Variants in SUMF1 observed in about 807,000 individuals in gnomAD.
SUMF1 encodes sulfatase modifying factor 1.
In SUMF1, 48 loss-of-function variants were observed where a neutral mutation model predicts 47.6. The observed-to-expected ratio is 1.01, with a 90% CI of 0.80 to 1.28. The LOEUF is 1.28. SUMF1 is among the 50% of genes most tolerant of loss of function. The pLI, the probability that SUMF1 is intolerant of heterozygous loss-of-function variation, is 0.00. For missense variants in SUMF1, 571 were observed against 485.4 expected, an observed-to-expected ratio of 1.18 and a Z score of -1.66; for synonymous variants, 230 against 192.1, an observed-to-expected ratio of 1.20 and a Z score of -1.63.
At chr3:4,263,002 T>G (rs1174546839) in intron 8 of SUMF1, among the ~76,000 whole-genome samples, 1 of 152,198 alleles carries the variant, frequency 6.6e-6, no homozygotes, top group African/African-American at 2.4e-5. Context: ...CATGTGTGTT[T>G]TCTCCTCTGT....
chr3:4,150,411 A>C (rs1008206062), intron 8 of SUMF1, among the ~76,000 whole-genome samples: 5 of 151,460 alleles, frequency 3.3e-5, no homozygotes, highest in African/African-American at 9.8e-5. Context: ...AAACACAAAA[A>C]ATTAGCCAGG....
intron 8 of SUMF1, among the ~76,000 whole-genome samples, chr3:4,173,586 T>A (rs1694881390): frequency 6.6e-6 from 1 of 152,190 alleles, no homozygotes; most frequent in African/African-American, 2.4e-5. Context: ...ATACGTATGT[T>A]TATTGAAGCA....
At position 4,437,142 on chromosome 3, in the gene SUMF1, G is replaced by C. The variant is rs542617013; in HGVS notation, c.519+12124C>G. Among the ~76,000 whole-genome samples, 5 of 152,236 alleles carry C rather than the reference G, an allele frequency of 3.3e-5. No homozygotes were observed. In the South Asian group the frequency reaches 8.3e-4, roughly 25 times the overall value. ...GACGCAGAAAGGAATGGAGAGTACA[G>C]ATATTAGTAATTATAGGAGTAAAGA... On this transcript the variant is annotated intron_variant, in intron 3 of 8. Coordinates refer to ENST00000272902, the MANE Select transcript of SUMF1 (RefSeq NM_182760.4).
chr3:4,211,674 C>G (rs1695798376), intron 8 of SUMF1, among the ~76,000 whole-genome samples: 1 of 152,064 alleles, frequency 6.6e-6, no homozygotes, highest in African/African-American at 2.4e-5. Context: ...CTATAAACTA[C>G]AAGGTATTGG....
At chr3:4,375,926 A>G (rs1362214880) in intron 8 of SUMF1, among the ~76,000 whole-genome samples, 1 of 152,182 alleles carries the variant, frequency 6.6e-6, no homozygotes, top group Non-Finnish European at 1.5e-5. Context: ...GTATATCACA[A>G]TCTGCCCTCC....
chr3:4,389,295 CATG>C (rs370797419), intron 7 of SUMF1, among the ~76,000 whole-genome samples: 1 of 151,290 alleles, frequency 6.6e-6, no homozygotes, highest in East Asian at 1.9e-4. Flanking sequence ...CTCTGGCCTT[CATG>C]GTCACCAATG....
intron 8 of SUMF1, among the ~76,000 whole-genome samples, chr3:4,173,078 T>C (rs888307418): frequency 6.6e-6 from 1 of 152,166 alleles, no homozygotes; most frequent in African/African-American, 2.4e-5. Flanking sequence ...TAGGGCTAGC[T>C]GGTTTTCCCA....
At chr3:4,278,493 C>T (rs370223170) in intron 8 of SUMF1, among the ~76,000 whole-genome samples, 2 of 152,154 alleles carry the variant, frequency 1.3e-5, no homozygotes, top group Middle Eastern at 3.4e-3. Context: ...TTGCTTAATT[C>T]TGAGCAAAAT....
chr3:4,345,137 C>T (rs1034306624), intron 8 of SUMF1, among the ~76,000 whole-genome samples: 1 of 152,126 alleles, frequency 6.6e-6, no homozygotes. Context: ...GAGAACGTCC[C>T]CAACCTAGCA....
intron 7 of SUMF1, among the ~76,000 whole-genome samples, chr3:4,389,335 T>A (rs546684120): frequency 9.0e-6 from 1 of 111,432 alleles, no homozygotes; most frequent in African/African-American, 4.1e-5. Context: ...TCAAATTGTT[T>A]TTTTTTTTTT....
intron 8 of SUMF1, among the ~76,000 whole-genome samples, chr3:4,306,352 G>A (rs1698190558): frequency 6.6e-6 from 1 of 151,968 alleles, no homozygotes; most frequent in African/African-American, 2.4e-5. Context: ...AAAATCATGA[G>A]GTTTTCTATT....
At chr3:4,099,299 G>C (rs150552210) in intron 8 of SUMF1, among the ~76,000 whole-genome samples, 1 of 152,198 alleles carries the variant, frequency 6.6e-6, no homozygotes, top group East Asian at 1.9e-4. Flanking sequence ...GGCAAGTTTG[G>C]TTCAACATAC....
At position 4,037,233 on chromosome 3, in the gene SUMF1, T is replaced by C. The variant is rs73806835; in HGVS notation, c.1191+31336A>G. On this transcript the variant is annotated intron_variant and NMD_transcript_variant, in intron 9 of 12. Coordinates refer to the SUMF1 transcript ENST00000448413. ...AATGAAGAAAGTAACATAGCAAAGA[T>C]AAAATTGAAACTAAGTTTCTAAATA... Among the ~76,000 whole-genome samples, 747 of 152,254 alleles carry C rather than the reference T, an allele frequency of 4.9e-3. 5 individuals are homozygous for C. Among genetic ancestry groups the C allele is most frequent in the African/African-American group, 0.017 (717 of 41,546 alleles).
chr3:4,203,993 A>G (rs1695596971), intron 8 of SUMF1, among the ~76,000 whole-genome samples: 2 of 152,034 alleles, frequency 1.3e-5, no homozygotes, highest in South Asian at 2.1e-4. Flanking sequence ...TAGTCTTACT[A>G]CTCAAGACAT....
At chr3:4,393,954 C>G (rs891355039) in intron 7 of SUMF1, among the ~76,000 whole-genome samples, 3 of 151,976 alleles carry the variant, frequency 2.0e-5, no homozygotes, top group Non-Finnish European at 2.9e-5. Context: ...AGGATCACAA[C>G]AAGAATGGAA....
At chr3:4,406,567 G>C (rs1701383755) in intron 7 of SUMF1, among the ~76,000 whole-genome samples, 1 of 152,198 alleles carries the variant, frequency 6.6e-6, no homozygotes, top group South Asian at 2.1e-4. Context: ...GGCTGAGGCT[G>C]AAGAATTGCC....
intron 9 of SUMF1, among the ~76,000 whole-genome samples, chr3:4,052,593 T>C (rs1195732819): frequency 1.3e-5 from 2 of 152,184 alleles, no homozygotes; most frequent in African/African-American, 4.8e-5. Context: ...TCCCGGACTA[T>C]GTGCTAATAA....
intron 8 of SUMF1, among the ~76,000 whole-genome samples, chr3:4,262,836 C>T (rs1233292817): frequency 6.6e-6 from 1 of 152,166 alleles, no homozygotes; most frequent in Non-Finnish European, 1.5e-5. Context: ...ACCCCAACCA[C>T]ATGGTCCAAG....
chr3:4,053,104 T>A (rs1695139848), intron 9 of SUMF1, among the ~76,000 whole-genome samples: 1 of 152,174 alleles, frequency 6.6e-6, no homozygotes, highest in Non-Finnish European at 1.5e-5. Flanking sequence ...CACACATGAT[T>A]CTTCCTTTCA....
Sources: allele counts gnomAD v4.1 joint callset (sites outside exome capture counted in the v4.1 genomes callset), GRCh38; gene constraint gnomAD v4.1.1; transcripts MANE v1.5; gene names NCBI Gene and HGNC (gene_info 2026-07-23, HGNC 2026-07-21).